The following PAPPA variants were observed in gnomAD, a reference collection of about 807,000 sequenced individuals.
PAPPA encodes the protein pappalysin 1.
Under a neutral mutation model 164.0 loss-of-function variants are expected in PAPPA, and 60 were observed. The observed-to-expected ratio is 0.37, with a 90% confidence interval of 0.30 to 0.45. PAPPA has a LOEUF of 0.45. Among genes scored for constraint, PAPPA ranks in the 20% least tolerant of loss-of-function variants. PAPPA has a pLI of 1.00. For missense variants in PAPPA, 1,782 were observed against 2,087.3 expected (o/e 0.85, Z 2.85); for synonymous variants, 875 against 814.1 (o/e 1.07, Z -1.27).
At chr9:116,353,815 A>G (rs1311220867) in intron 17 of PAPPA, 22 bp downstream of exon 17, 3 of 1,589,496 alleles carry the variant, frequency 1.9e-6, no homozygotes, top group Non-Finnish European at 2.6e-6. Context: ...GGAACTTGAG[A>G]TTGATACCAT....
intron 7 of PAPPA, among the ~76,000 whole-genome samples, chr9:116,260,679 T>C (rs1426908491): frequency 6.6e-6 from 1 of 152,154 alleles, no homozygotes; most frequent in Non-Finnish European, 1.5e-5. Context: ...ACACTCCTCC[T>C]TAAATTAGAC....
At chr9:116,259,284 A>G (rs1844973016) in intron 7 of PAPPA, among the ~76,000 whole-genome samples, 1 of 152,010 alleles carries the variant, frequency 6.6e-6, no homozygotes, top group Admixed American at 6.5e-5. Context: ...TGTTTATTCA[A>G]CAACATACGA....
chr9:116,171,708 G>A (rs892930897), intron 1 of PAPPA, among the ~76,000 whole-genome samples: 1 of 152,216 alleles, frequency 6.6e-6, no homozygotes. Flanking sequence ...CTGTCCTCAT[G>A]TCTGACTTTC....
At chr9:116,382,137 T>C (rs1846739387) in intron 20 of PAPPA, among the ~76,000 whole-genome samples, 1 of 151,992 alleles carries the variant, frequency 6.6e-6, no homozygotes, top group Non-Finnish European at 1.5e-5. Context: ...CACAAGAGTA[T>C]GTCTCTCAGC....
intron 10 of PAPPA, among the ~76,000 whole-genome samples, chr9:116,306,799 G>A (rs1444821101): frequency 1.3e-5 from 2 of 152,014 alleles, no homozygotes; most frequent in Non-Finnish European, 2.9e-5. Flanking sequence ...CTTTTACCCC[G>A]GCCTCCAGCA....
chr9:116,317,511 A>G (rs1845801929), intron 10 of PAPPA, among the ~76,000 whole-genome samples: 1 of 152,214 alleles, frequency 6.6e-6, no homozygotes, highest in African/African-American at 2.4e-5. Context: ...CCAGCAGAGA[A>G]AGCATTTGGA....
intron 10 of PAPPA, among the ~76,000 whole-genome samples, chr9:116,320,196 G>T (rs1418403186): frequency 2.0e-5 from 3 of 151,866 alleles, no homozygotes; most frequent in African/African-American, 7.3e-5. Flanking sequence ...TTTCCTCCAT[G>T]ATCATTTGGT....
At chr9:116,265,659 C>T (rs910703244) in intron 7 of PAPPA, among the ~76,000 whole-genome samples, 198 bp from the exon 8 acceptor site, 5 of 152,186 alleles carry the variant, frequency 3.3e-5, no homozygotes, top group Non-Finnish European at 7.3e-5. Context: ...TATTACTGTA[C>T]ATTTTAGTGT....
chr9:116,160,644 GT>G (rs1169760609), intron 1 of PAPPA, among the ~76,000 whole-genome samples: 1 of 152,126 alleles, frequency 6.6e-6, no homozygotes, highest in Non-Finnish European at 1.5e-5. Flanking sequence ...TTATCTACCT[GT>G]GGCTGAGGGC....
At chr9:116,378,388 C>T (rs551614042) in intron 20 of PAPPA, among the ~76,000 whole-genome samples, 5 of 152,280 alleles carry the variant, frequency 3.3e-5, no homozygotes, top group African/African-American at 9.6e-5. Flanking sequence ...CCCCTTGTGG[C>T]TCTTCCCAGC....
Position 116,331,281 on chromosome 9 carries a change from T to C in PAPPA, c.3185T>C (p.Ile1062Thr), listed in dbSNP as rs781515929. 6.2e-7 allele frequency: 1 copy of C among 1,613,718 alleles called. No homozygotes were observed. The highest frequency in any genetic ancestry group is 1.1e-5 in the South Asian group (1 of 91,060). ...AAGGTGATAGATCTCAGTGAAGGCA[T>C]TTCCCAGCATGCCTGGTACCCTTGC... is the stretch of plus-strand genomic sequence containing the variant. ...RTKVIDLSEG[I>T]SQHAWYPCTI... Residue 1062 changes from isoleucine to threonine, a missense_variant, in exon 11 of 22, where the codon ATT (isoleucine) becomes ACT (threonine). By Grantham distance (89) the Ile-to-Thr change is moderately conservative. This residue lies in a region of PAPPA where 1,324 missense variants were observed against 1,656.9 expected (regional missense o/e 0.80). Transcript: ENST00000328252.
chr9:116,316,384 G>A (rs1845788026), intron 10 of PAPPA: 1 of 152,194 alleles, frequency 6.6e-6, no homozygotes, highest in African/African-American at 2.4e-5. Context: ...CAGGTGCAGG[G>A]GTTGTTGAGA....
At chr9:116,369,075 C>T (rs1846538802) in intron 19 of PAPPA, among the ~76,000 whole-genome samples, 1 of 152,086 alleles carries the variant, frequency 6.6e-6, no homozygotes, top group South Asian at 2.1e-4. Flanking sequence ...TCTCTCTCCT[C>T]CCTCTTCTGA....
At chr9:116,332,550 A>T (rs948616828) in intron 12 of PAPPA, 82 bp downstream of exon 12, 210 of 1,255,312 alleles carry the variant, frequency 1.7e-4, no homozygotes, top group Non-Finnish European at 2.1e-4. Flanking sequence ...GGATCAGCTT[A>T]GAATGAGCTC....
chr9:116,288,482 C>T (rs921224434), intron 9 of PAPPA: 1 of 148,592 alleles, frequency 6.7e-6, no homozygotes, highest in Non-Finnish European at 1.5e-5. Flanking sequence ...TCCCTCCCTG[C>T]CTCCCTTTCT....
At position 116,396,874 on chromosome 9, in the gene PAPPA, T is replaced by A; in HGVS notation, c.*258T>A. The A allele has an allele frequency of 2.1e-6, 1 of 483,888 alleles. No individual in the cohort carries two copies. The highest frequency in any genetic ancestry group is 3.7e-6 in the Non-Finnish European group (1 of 270,392). The allele number at this position is 483,888 out of a possible 1,614,324, so 30.0% of individuals were successfully genotyped here. A position where few individuals can be genotyped will look rare whatever the true frequency, so the allele number is the denominator to read the frequency against. On this transcript the variant is annotated 3_prime_UTR_variant, in exon 22 of 22. Coordinates refer to ENST00000328252, the MANE Select transcript of PAPPA (RefSeq NM_002581.5). The stretch of plus-strand genomic sequence containing the variant: ...ATATACAGTGTGCAGTCCCAGAGCC[T>A]CCTAAAATTCTAGCCATTTGTCACA...
At chr9:116,332,032 T>C (rs1244232195) in intron 11 of PAPPA, among the ~76,000 whole-genome samples, 1 of 152,182 alleles carries the variant, frequency 6.6e-6, no homozygotes, top group Non-Finnish European at 1.5e-5. Context: ...GTTGATTTTT[T>C]TATTTTTTTT....
At chr9:116,207,671 A>G (rs995023524) in intron 3 of PAPPA, 70 bp downstream of exon 3, 3 of 1,147,666 alleles carry the variant, frequency 2.6e-6, no homozygotes, top group Admixed American at 4.8e-5. Context: ...GATGATGATC[A>G]TTGTTACGAT....
chr9:116,252,163 T>C (rs1367446195), intron 7 of PAPPA, among the ~76,000 whole-genome samples: 1 of 152,224 alleles, frequency 6.6e-6, no homozygotes, highest in Non-Finnish European at 1.5e-5. Context: ...TTGCTGGAAT[T>C]AATCAGTCAC....
Sources: gnomAD v4.1 joint callset for allele counts (sites outside exome capture counted in the v4.1 genomes callset) on GRCh38, gnomAD v4.1.1 for gene constraint, gnomAD v4.1.1 regional missense constraint, MANE v1.5 for transcripts, NCBI Gene and HGNC (gene_info 2026-07-23, HGNC 2026-07-21) for gene names.